GCN1: variants seen among roughly 807,000 people sequenced by gnomAD.
The protein encoded by GCN1 is GCN1 activator of EIF2AK4.
GCN1 carries 90 observed loss-of-function variants against 288.4 expected under a neutral mutation model. The observed-to-expected ratio is 0.31, with a 90% CI of 0.26 to 0.37. The LOEUF (loss-of-function observed/expected upper bound fraction) is 0.37, where lower values mean the gene tolerates loss of function less well. Ranked by LOEUF, GCN1 falls within the 10% of genes least tolerant of loss-of-function variation. The pLI is 1.00. For synonymous variants in GCN1, 1,386 were observed against 1,420.2 expected, an observed-to-expected ratio of 0.98 and a Z score of 0.54; for missense variants, 2,586 against 3,419.9, an observed-to-expected ratio of 0.76 and a Z score of 6.08.
chr12:120,158,442 T>A lies in GCN1; in HGVS notation c.2905+18A>T, dbSNP rs1566308295. Reference sequence around the variant, plus strand: ...AGCTCACACCGCCTGGTGCCCCTGATCCCGTCCCAGCCCTTACCTGGCTCC... The same window carrying A: ...AGCTCACACCGCCTGGTGCCCCTGAACCCGTCCCAGCCCTTACCTGGCTCC... On this transcript the variant is annotated intron_variant, in intron 25 of 57. Coordinates refer to ENST00000300648, the MANE Select transcript of GCN1 (RefSeq NM_006836.2). This position sits in a 1 kb window ranked among gnomAD's most constrained non-coding sequence, Gnocchi z 4.3. The A allele has an allele frequency of 6.5e-7, 1 of 1,537,232 alleles. No homozygotes were observed. The highest frequency in any genetic ancestry group is 1.4e-5 in the African/African-American group (1 of 72,900).
chr12:120,146,742 A>T (rs1877375272), intron 38 of GCN1, among the ~76,000 whole-genome samples: 1 of 152,200 alleles, frequency 6.6e-6, no homozygotes, highest in East Asian at 1.9e-4. Context: ...GGCTCTCCTG[A>T]CAACAATACA....
chr12:120,160,153 G>A lies in GCN1; in HGVS notation c.2539C>T (p.Arg847Trp). 2 of 1,611,080 alleles carry A rather than the reference G, an allele frequency of 1.2e-6. No homozygotes were observed. Among genetic ancestry groups the A allele is most frequent in the South Asian group, 1.1e-5 (1 of 91,062 alleles). The change falls in exon 23 of 58, where the codon CGG (arginine) becomes TGG (tryptophan). Residue 847 changes from arginine to tryptophan, a missense_variant. Arg to Trp is a moderately radical substitution (Grantham distance 101, BLOSUM62 -3). This residue lies in a region of GCN1 where 913 missense variants were observed against 1,107.0 expected (regional missense o/e 0.82). Transcript: ENST00000300648. ...AGGTGGCCACTCACCTCCTGCAGCCGCCTCCGGACCTGCGCCTCCCTGTCT... is the reference window on the plus strand; with the variant it reads ...AGGTGGCCACTCACCTCCTGCAGCCACCTCCGGACCTGCGCCTCCCTGTCT... ...QLDREAQVRRRLQELDGELEA... is the reference protein window; with the variant it reads ...QLDREAQVRRWLQELDGELEA...
intron 26 of GCN1, 91 bp downstream of exon 26, chr12:120,157,758 C>A: frequency 9.5e-7 from 1 of 1,048,066 alleles, no homozygotes; most frequent in Non-Finnish European, 1.4e-6. Context: ...TATTTCCCCA[C>A]CAGGAACTGT....
Position 120,149,461 on chromosome 12 carries a change from T to C in GCN1, c.4546+145A>G, listed in dbSNP as rs910973724. ...GCCTGGGTGATAGAGCAAGACTCCA[T>C]CTCAAATTTTTAAAAAGGCAGAGTC... On this transcript the variant is annotated intron_variant, in intron 36 of 57. Coordinates refer to ENST00000300648, the MANE Select transcript of GCN1 (RefSeq NM_006836.2). 3 of 616,952 alleles carry C rather than the reference T, an allele frequency of 4.9e-6. No homozygotes were observed. In the African/African-American group the frequency reaches 5.5e-5, roughly 11 times the overall value. 38.2% of individuals were successfully genotyped at this position (616,952 alleles called of 1,614,324 possible). A position where few individuals can be genotyped will look rare whatever the true frequency, so the allele number is the denominator to read the frequency against.
At chr12:120,171,647 C>T (rs1053793351) in intron 14 of GCN1, among the ~76,000 whole-genome samples, 4 of 152,146 alleles carry the variant, frequency 2.6e-5, no homozygotes, top group Admixed American at 2.0e-4. Flanking sequence ...GGTTTATTTT[C>T]GTTTTGTTTT....
At chr12:120,150,965 A>T (rs1594268904) in intron 34 of GCN1, among the ~76,000 whole-genome samples, 180 bp downstream of exon 34, 1 of 152,142 alleles carries the variant, frequency 6.6e-6, no homozygotes, top group African/African-American at 2.4e-5. Flanking sequence ...AGAAAAAAAA[A>T]TTTGCAAGTC....
Position 120,158,108 on chromosome 12 carries a change from G to A in GCN1, c.2906-78C>T. The A allele has an allele frequency of 7.0e-7, 1 of 1,422,854 alleles. No homozygotes were observed. The highest frequency in any genetic ancestry group is 9.7e-7 in the Non-Finnish European group (1 of 1,027,318). The allele number at this position is 1,422,854 out of a possible 1,614,324, so 88.1% of individuals were successfully genotyped here. ...CACTGCTGCCTATTTCTATCCTCAG[G>A]GAAAGTAGGGAACGGATGGACCAGA... is the stretch of plus-strand genomic sequence containing the variant. On this transcript the variant is annotated intron_variant, in intron 25 of 57. Transcript: ENST00000300648. This position sits in a 1 kb window ranked among gnomAD's most constrained non-coding sequence, Gnocchi z 4.3.
intron 33 of GCN1, among the ~76,000 whole-genome samples, chr12:120,151,901 C>T (rs375437550): frequency 7.9e-5 from 12 of 152,352 alleles, no homozygotes; most frequent in East Asian, 7.7e-4. Context: ...GGAGCAGCAA[C>T]CCCGAGGCCA....
At chr12:120,172,551 C>T (rs1878344899) in intron 14 of GCN1, among the ~76,000 whole-genome samples, 1 of 152,000 alleles carries the variant, frequency 6.6e-6, no homozygotes, top group African/African-American at 2.4e-5. Flanking sequence ...ACTCTGTCAC[C>T]CAGGCAGGAG....
At chr12:120,180,555 A>G (rs1878622657) in intron 5 of GCN1, among the ~76,000 whole-genome samples, 1 of 151,866 alleles carries the variant, frequency 6.6e-6, no homozygotes, top group African/African-American at 2.4e-5. Context: ...CAGTGAGACG[A>G]GATAGCGCCA....
rs1330547849 is a variant in GCN1 at position 120,134,977 on chromosome 12, G to C, written c.7009-251C>G. Among the ~76,000 whole-genome samples the C allele has an allele frequency of 6.6e-6, 1 of 152,230 alleles. No homozygotes were observed. Among genetic ancestry groups the C allele is most frequent in the East Asian group, 1.9e-4 (1 of 5,192 alleles). On this transcript the variant is annotated intron_variant, in intron 51 of 57. Transcript: ENST00000300648. The surrounding 1 kb of genome is among the most constrained non-coding windows in gnomAD (Gnocchi z 5.0). ...AGGAGGCGGCGGCCGCTATCTGAGG[G>C]AGCTGTCTCGCAGCCTTGGCTGCGT...
intron 2 of GCN1, among the ~76,000 whole-genome samples, chr12:120,185,397 G>C (rs1025356301): frequency 2.6e-5 from 4 of 152,216 alleles, no homozygotes; most frequent in Admixed American, 6.5e-5. Context: ...CAGATTAGTA[G>C]GCTCTGGAAA....
Position 120,138,750 on chromosome 12 carries a change from G to A in GCN1, c.6101C>T (p.Ser2034Phe). The change falls in exon 46 of 58, where the codon TCC becomes TTC. Residue 2034 changes from serine to phenylalanine, a missense_variant. Ser to Phe is a radical substitution (Grantham distance 155, BLOSUM62 -2). Transcript: ENST00000300648. ...CTCCAGAGCCTGGTGGCCGATGGTG[G>A]AATGCAGCTGCTCGAAAGTCTTGGC... ...AAAKTFEQLH[S>F]TIGHQALEDI... 1.9e-6 allele frequency: 3 copies of A among 1,614,238 alleles called. No homozygotes were observed. Among genetic ancestry groups the A allele is most frequent in the Non-Finnish European group, 2.5e-6 (3 of 1,180,028 alleles).
Position 120,153,445 on chromosome 12 carries a change from T to C in GCN1, c.3868-38A>G. The C allele has an allele frequency of 6.3e-7, 1 of 1,577,222 alleles. No homozygotes were observed. The highest frequency in any genetic ancestry group is 8.7e-7 in the Non-Finnish European group (1 of 1,150,648). On this transcript the variant is annotated intron_variant, in intron 32 of 57. Transcript: ENST00000300648. This position sits in a 1 kb window ranked among gnomAD's most constrained non-coding sequence, Gnocchi z 4.4. The stretch of plus-strand genomic sequence containing the variant: ...ACCCCTCAGAGCCTCAGGTCAACCC[T>C]ACAGGCTGCATCTGGGGACAACAGT...
Position 120,144,247 on chromosome 12 carries a change from A to G in GCN1, c.5495+59T>C. 1 of 1,594,436 alleles carries G rather than the reference A, an allele frequency of 6.3e-7. No homozygotes were observed. Among genetic ancestry groups the G allele is most frequent in the South Asian group, 1.1e-5 (1 of 90,542 alleles). On this transcript the variant is annotated intron_variant, in intron 42 of 57. Transcript: ENST00000300648. The surrounding 1 kb of genome is among the most constrained non-coding windows in gnomAD (Gnocchi z 4.7). ...TGCCTCGGCTTTCCAGAGTGCTCGG[A>G]TTATAGGCATGAGCCACCACGCATC...
Position 120,141,073 on chromosome 12 carries a change from CA to C in GCN1, c.5830-51del, listed in dbSNP as rs1323555979. On this transcript the variant is annotated intron_variant, in intron 44 of 57. Coordinates refer to ENST00000300648, the MANE Select transcript of GCN1 (RefSeq NM_006836.2). ...AGTAAAGTCCCTGCAAAGCCCAGGG[CA>C]CCCAGAGGAGGACTCCAGAATGAGG... is the stretch of plus-strand genomic sequence containing the variant. 3 of 1,530,324 alleles carry C rather than the reference CA, an allele frequency of 2.0e-6. No homozygotes were observed. The Admixed American group carries it at 5.4e-5, about 27-fold the overall frequency. 94.8% of individuals were successfully genotyped at this position (1,530,324 alleles called of 1,614,324 possible).
Position 120,158,669 on chromosome 12 carries a change from C to T in GCN1, c.2750-54G>A. The T allele has an allele frequency of 6.7e-7, 1 of 1,482,384 alleles. No homozygotes were observed. Among genetic ancestry groups the T allele is most frequent in the Non-Finnish European group, 9.2e-7 (1 of 1,092,542 alleles). 91.8% of individuals were successfully genotyped at this position (1,482,384 alleles called of 1,614,324 possible). On this transcript the variant is annotated intron_variant, in intron 24 of 57. Transcript: ENST00000300648. This position sits in a 1 kb window ranked among gnomAD's most constrained non-coding sequence, Gnocchi z 4.3. Reference sequence around the variant, plus strand: ...AGATGACACACAGAGATGTGGAATCCAGCCCAGGCTAAAACAGGGGACCCA... The same window carrying T: ...AGATGACACACAGAGATGTGGAATCTAGCCCAGGCTAAAACAGGGGACCCA...
chr12:120,164,242 C>T lies in GCN1; in HGVS notation c.1848+94G>A, dbSNP rs552891234. ...TGGCATCACACAGATTAAGAAAGAACACCCAGGGAGTGGCCCAGCCAAAAC... is the reference window on the plus strand; with the variant it reads ...TGGCATCACACAGATTAAGAAAGAATACCCAGGGAGTGGCCCAGCCAAAAC... On this transcript the variant is annotated intron_variant, in intron 18 of 57. Transcript: ENST00000300648. 32 of 1,019,822 alleles carry T rather than the reference C, an allele frequency of 3.1e-5. No homozygotes were observed. The East Asian group carries it at 3.6e-4, about 11-fold the overall frequency. The allele number at this position is 1,019,822 out of a possible 1,614,324, so 63.2% of individuals were successfully genotyped here.
At chr12:120,181,007 A>G (rs1346544936) in intron 5 of GCN1, among the ~76,000 whole-genome samples, 1 of 150,800 alleles carries the variant, frequency 6.6e-6, no homozygotes, top group Admixed American at 6.6e-5. Context: ...AAAAAAAAAG[A>G]AAAAGAAAAA....
Sources: gnomAD v4.1 joint callset for allele counts (sites outside exome capture counted in the v4.1 genomes callset) on GRCh38, gnomAD v4.1.1 for gene constraint, gnomAD v4.1.1 regional missense constraint, Gnocchi (gnomAD v3.1) non-coding constraint, MANE v1.5 for transcripts, NCBI Gene and HGNC (gene_info 2026-07-23, HGNC 2026-07-21) for gene names.